The following EHF variants were observed in gnomAD, a reference collection of about 807,000 sequenced individuals.
EHF encodes ESE3 transcription factor.
Under a neutral mutation model 45.1 loss-of-function variants are expected in EHF, and 14 were observed. That is an observed-to-expected ratio of 0.31 (90% CI 0.21 to 0.49). EHF has a LOEUF of 0.49. Ranked by LOEUF, EHF falls within the 20% of genes least tolerant of loss-of-function variation. The pLI is 0.99. For synonymous variants in EHF, 136 were observed against 131.8 expected (o/e 1.03, Z -0.22); for missense variants, 282 against 371.4 (o/e 0.76, Z 1.98).
rs893559202 is a variant in EHF at position 34,656,950 on chromosome 11, A to C, written c.587A>C (p.Lys196Thr). 1.2e-6 allele frequency: 2 copies of C among 1,613,566 alleles called. No homozygotes were observed. The highest frequency in any genetic ancestry group is 2.7e-5 in the African/African-American group (2 of 74,904). ...AAAAAGGAGCAAGACCCCCCTGCCA[A>C]GTGCCACACCAAAAAGCACAGTAAG... ...DMKKEQDPPA[K>T]CHTKKHNPRG... The change falls in exon 7 of 9, where the codon AAG becomes ACG. Residue 196 changes from lysine to threonine, a missense_variant. Physicochemically the swap from Lys to Thr is moderately conservative, Grantham distance 78 (BLOSUM62 -1). This residue lies in a region of EHF where 213 missense variants were observed against 247.3 expected (regional missense o/e 0.86). Transcript: ENST00000257831.
intron 4 of EHF, among the ~76,000 whole-genome samples, chr11:34,649,468 C>A (rs1462358057): frequency 6.6e-6 from 1 of 152,166 alleles, no homozygotes; most frequent in African/African-American, 2.4e-5. Flanking sequence ...TTCTCTCCCT[C>A]CTCCCTTGAT....
intron 1 of EHF, among the ~76,000 whole-genome samples, chr11:34,633,384 A>G (rs1853088884): frequency 6.6e-6 from 1 of 152,186 alleles, no homozygotes; most frequent in African/African-American, 2.4e-5. Context: ...GGAGTTGATC[A>G]TCTTGTGGTG....
intron 3 of EHF, among the ~76,000 whole-genome samples, chr11:34,648,040 T>C (rs1687867308): frequency 6.6e-6 from 1 of 152,230 alleles, no homozygotes; most frequent in African/African-American, 2.4e-5. Flanking sequence ...TGACTTCCCA[T>C]GACTTGTTTG....
chr11:34,623,467 C>A (rs137880421), intron 1 of EHF, among the ~76,000 whole-genome samples: 26 of 152,222 alleles, frequency 1.7e-4, no homozygotes, highest in African/African-American at 5.8e-4. Flanking sequence ...GTCAGGAAAG[C>A]CCTACATTCC....
At position 34,652,257 on chromosome 11, in the gene EHF, C is replaced by T. The variant is rs143307472; in HGVS notation, c.544+452C>T. Among the ~76,000 whole-genome samples the T allele has an allele frequency of 1.9e-3, 286 of 152,258 alleles. 3 individuals are homozygous for T. Among genetic ancestry groups the T allele is most frequent in the African/African-American group, 6.7e-3 (279 of 41,546 alleles). ...GATAGTTTCTGGGTGAAGGGGTAGC[C>T]ATTGGAAACTTCCAGAATCCCCACA... On this transcript the variant is annotated intron_variant, in intron 6 of 8. Transcript: ENST00000257831.
intron 1 of EHF, among the ~76,000 whole-genome samples, chr11:34,628,595 G>C (rs1251436923): frequency 6.6e-6 from 1 of 152,206 alleles, no homozygotes; most frequent in Non-Finnish European, 1.5e-5. Flanking sequence ...CCTTGGAGTT[G>C]TGAAGGGACT....
At chr11:34,635,458 T>TTA (rs1832054436) in intron 1 of EHF, among the ~76,000 whole-genome samples, 1 of 148,282 alleles carries the variant, frequency 6.7e-6, no homozygotes. Context: ...TTCTTTTTTT[T>TTA]TTTTTTTTTT....
intron 1 of EHF, among the ~76,000 whole-genome samples, chr11:34,637,596 T>C (rs2134062217): frequency 6.6e-6 from 1 of 152,346 alleles, no homozygotes; most frequent in African/African-American, 2.4e-5. Context: ...GTAGGGGACT[T>C]GCTGCCTAAG....
chr11:34,627,272 G>C (rs1433327210), intron 1 of EHF, among the ~76,000 whole-genome samples: 5 of 152,116 alleles, frequency 3.3e-5, no homozygotes, highest in Non-Finnish European at 5.9e-5. Flanking sequence ...ACCTTGTTTT[G>C]AGTCAACTGC....
intron 1 of EHF, 91 bp downstream of exon 1, chr11:34,621,319 T>C (rs1851979212): frequency 1.3e-5 from 2 of 152,234 alleles, no homozygotes; most frequent in South Asian, 4.1e-4. Context: ...CAGATGAAAC[T>C]AGAACAGACT....
chr11:34,631,578 C>T, intron 1 of EHF: 1 of 984,874 alleles, frequency 1.0e-6, no homozygotes, highest in Non-Finnish European at 1.2e-6. Flanking sequence ...GGACCTGAGG[C>T]CTCAAATCTC....
intron 1 of EHF, among the ~76,000 whole-genome samples, chr11:34,636,755 G>A (rs372225416): frequency 1.2e-4 from 19 of 152,234 alleles, no homozygotes; most frequent in African/African-American, 3.1e-4. Flanking sequence ...CACCACGGCC[G>A]GGCCCGGTGG....
chr11:34,648,271 A>G (rs1273654483), intron 3 of EHF, among the ~76,000 whole-genome samples: 1 of 152,206 alleles, frequency 6.6e-6, no homozygotes, highest in Non-Finnish European at 1.5e-5. Context: ...GAGAGGTTAA[A>G]GGCATGGCTT....
At chr11:34,653,960 G>A (rs371510796) in intron 6 of EHF, among the ~76,000 whole-genome samples, 4 of 152,108 alleles carry the variant, frequency 2.6e-5, no homozygotes, top group African/African-American at 4.8e-5. Context: ...GCCCGCTGCC[G>A]GTGTCCTGTT....
chr11:34,630,547 G>T (rs572375471), intron 1 of EHF, among the ~76,000 whole-genome samples: 1 of 151,888 alleles, frequency 6.6e-6, no homozygotes, highest in South Asian at 2.1e-4. Context: ...TGAACATCTT[G>T]GTCTTTTCCT....
chr11:34,655,097 G>A (rs889956422), intron 6 of EHF, among the ~76,000 whole-genome samples: 3 of 152,184 alleles, frequency 2.0e-5, no homozygotes, highest in South Asian at 4.1e-4. Flanking sequence ...CAGGGAGGGA[G>A]AGTGAAGTCT....
chr11:34,628,876 G>T (rs918261269), intron 1 of EHF, among the ~76,000 whole-genome samples: 2 of 152,196 alleles, frequency 1.3e-5, no homozygotes, highest in African/African-American at 2.4e-5. Flanking sequence ...GGGGCCCCAT[G>T]CTTAGAAAGG....
intron 1 of EHF, among the ~76,000 whole-genome samples, chr11:34,629,796 T>A (rs1852703340): frequency 6.6e-6 from 1 of 152,192 alleles, no homozygotes; most frequent in African/African-American, 2.4e-5. Context: ...AGGACCAATC[T>A]GTGATGGCTG....
chr11:34,655,260 G>A (rs1023722189), intron 6 of EHF, among the ~76,000 whole-genome samples: 7 of 152,238 alleles, frequency 4.6e-5, no homozygotes, highest in African/African-American at 1.4e-4. Context: ...TCTCCATCCT[G>A]CCATGACGTT....
Sources: gnomAD v4.1 joint callset for allele counts (sites outside exome capture counted in the v4.1 genomes callset) on GRCh38, gnomAD v4.1.1 for gene constraint, gnomAD v4.1.1 regional missense constraint, MANE v1.5 for transcripts, NCBI Gene and HGNC (gene_info 2026-07-23, HGNC 2026-07-21) for gene names.